DMD: variants seen among roughly 807,000 people sequenced by gnomAD.
The protein encoded by DMD is mutant dystrophin.
DMD carries 63 observed loss-of-function variants against 330.1 expected under a neutral mutation model. The observed-to-expected ratio is 0.19, with a 90% CI of 0.16 to 0.24. The LOEUF (loss-of-function observed/expected upper bound fraction) is 0.24, where lower values mean the gene tolerates loss of function less well. Among genes scored for constraint, DMD ranks in the 10% least tolerant of loss-of-function variants. The pLI is 1.00. For missense variants in DMD, 3,344 were observed against 2,684.1 expected (o/e 1.25, Z -5.43); for synonymous variants, 1,223 against 959.8 (o/e 1.27, Z -5.07).
chrX:31,705,851 T>C (rs1343260747), intron 52 of DMD, among the ~76,000 whole-genome samples: 1 of 112,030 alleles, frequency 8.9e-6, no homozygotes, highest in Non-Finnish European at 1.9e-5. Context: ...CTGTCATTCA[T>C]ATAGTGATGA....
At chrX:32,669,929 A>T (rs1028324377) in intron 9 of DMD, among the ~76,000 whole-genome samples, 23 of 110,714 alleles carry the variant, frequency 2.1e-4, no homozygotes, top group African/African-American at 5.9e-4. Context: ...TCCTCCCCTA[A>T]CCATATGCCC....
chrX:32,642,142 G>A (rs907063950), intron 11 of DMD, among the ~76,000 whole-genome samples: 1 of 111,644 alleles, frequency 9.0e-6, no homozygotes, highest in Non-Finnish European at 1.9e-5. Context: ...TTTTATGCAC[G>A]AACACATACA....
intron 1 of DMD, among the ~76,000 whole-genome samples, chrX:33,087,444 G>A (rs113243635): frequency 8.6e-4 from 96 of 111,758 alleles, no homozygotes; most frequent in African/African-American, 2.9e-3. Context: ...CTGTTTGAGA[G>A]GTTATATTGC....
rs911328118 is a variant in DMD at position 31,776,998 on chromosome X, C to T, written c.7310-2806G>A. ...ACACTGCTGGGAAAGGGAGGGGAAA[C>T]CTTATCAGACTTTCTCACTGCTCTA... On this transcript the variant is annotated intron_variant, in intron 50 of 78. Coordinates refer to ENST00000357033, the MANE Select transcript of DMD (RefSeq NM_004006.3). Among the ~76,000 whole-genome samples, 16 of 111,767 alleles carry T rather than the reference C, an allele frequency of 1.4e-4. No homozygotes were observed. The East Asian group carries it at 2.0e-3, about 14-fold the overall frequency.
rs1388792313 is a variant in DMD, at chrX:32,510,813, G to A, written c.2292+7195C>T. Among the ~76,000 whole-genome samples, 8 of 111,342 alleles carry A rather than the reference G, an allele frequency of 7.2e-5. No individual in the cohort carries two copies. The Admixed American group carries it at 7.6e-4, about 11-fold the overall frequency. On this transcript the variant is annotated intron_variant, in intron 18 of 78. Coordinates refer to ENST00000357033, the MANE Select transcript of DMD (RefSeq NM_004006.3). ...CTAGAAACTGCATATTAGTTAGGGA[G>A]TTGGGCACATCCATCTTTTCTTCAG...
At chrX:31,258,949 G>GA (rs35839843) in intron 63 of DMD, among the ~76,000 whole-genome samples, 45,350 of 100,024 alleles carry the variant, frequency 0.45, 8,295 homozygotes, top group African/African-American at 0.59. Flanking sequence ...CTTTCCAGTG[G>GA]AAAAAAAAAA....
At chrX:32,554,773 G>T (rs996734512) in intron 16 of DMD, among the ~76,000 whole-genome samples, 2 of 84,209 alleles carry the variant, frequency 2.4e-5, no homozygotes, top group African/African-American at 8.7e-5. Context: ...ATATTATGAG[G>T]TCAGCATCAC....
At chrX:32,520,537 G>A (rs764700888) in intron 17 of DMD, among the ~76,000 whole-genome samples, 17 of 111,628 alleles carry the variant, frequency 1.5e-4, no homozygotes, top group Non-Finnish European at 2.8e-4. Context: ...GTGAGAGCTT[G>A]GAATTGGTGA....
intron 9 of DMD, among the ~76,000 whole-genome samples, chrX:32,688,894 A>G (rs2063074915): frequency 9.0e-6 from 1 of 111,540 alleles, no homozygotes. Context: ...TCCTATTCTT[A>G]TTTAGAATTA....
intron 13 of DMD, among the ~76,000 whole-genome samples, chrX:32,585,699 CAAAAAAAAAAAAAAAA>C (rs61394183): frequency 3.1e-4 from 10 of 31,919 alleles, no homozygotes; most frequent in Admixed American, 1.3e-3. Flanking sequence ...GACTCCGTCT[CAAAAAAAAAAAAAAAA>C]AAAAAAAAAA....
chrX:33,143,864 A>G (rs1293091319), intron 1 of DMD, among the ~76,000 whole-genome samples: 4 of 111,310 alleles, frequency 3.6e-5, no homozygotes, highest in African/African-American at 1.3e-4. Context: ...TAATACAGGG[A>G]AAAAAATACA....
At chrX:31,369,777 T>A (rs139508124) in intron 60 of DMD, among the ~76,000 whole-genome samples, 1,799 of 111,499 alleles carry the variant, frequency 0.016, 11 homozygotes, top group Non-Finnish European at 0.026. Flanking sequence ...TTCAAATAAT[T>A]ATGCTAGAGC....
intron 1 of DMD, among the ~76,000 whole-genome samples, chrX:33,172,269 T>C (rs1192026288): frequency 1.8e-5 from 2 of 111,599 alleles, no homozygotes; most frequent in African/African-American, 3.2e-5. Flanking sequence ...TCCATTAAAA[T>C]AATTTATTGA....
intron 55 of DMD, among the ~76,000 whole-genome samples, chrX:31,539,100 G>A (rs2073627499): frequency 1.8e-5 from 2 of 111,737 alleles, no homozygotes; most frequent in Non-Finnish European, 3.8e-5. Flanking sequence ...ATGACAAAGA[G>A]GTTTTACCTA....
chrX:32,691,549 C>T (rs1346769935), intron 9 of DMD, among the ~76,000 whole-genome samples: 1 of 111,332 alleles, frequency 9.0e-6, no homozygotes, highest in Non-Finnish European at 1.9e-5. Context: ...AACTATTGTA[C>T]ACCGTTGGTG....
intron 30 of DMD, among the ~76,000 whole-genome samples, chrX:32,395,101 A>G (rs1390752831): frequency 9.0e-6 from 1 of 110,966 alleles, no homozygotes; most frequent in Non-Finnish European, 1.9e-5. Context: ...TAACATAACT[A>G]GGAAGTAACA....
intron 7 of DMD, among the ~76,000 whole-genome samples, chrX:32,712,378 A>C (rs12008626): frequency 0.077 from 8,546 of 111,307 alleles, 801 homozygotes; most frequent in African/African-American, 0.26. Flanking sequence ...TGTCGTAGAT[A>C]TGTATGAGTA....
In DMD at chrX:32,991,473, A is replaced by T. The variant is rs534055565; in HGVS notation, c.93+28666T>A. 9.8e-5 allele frequency among the ~76,000 whole-genome samples: 11 copies of T among 112,232 alleles called. 1 individual carries two copies. The South Asian group carries it at 4.0e-3, about 41-fold the overall frequency. On this transcript the variant is annotated intron_variant, in intron 2 of 78. Coordinates refer to ENST00000357033, the MANE Select transcript of DMD (RefSeq NM_004006.3). ...TGCACTACATAACACGATGGCCACT[A>T]AAACCATGTGACTACTGAGCACTTC...
chrX:33,237,206 T>G (rs1348323248), intron 1 of DMD, among the ~76,000 whole-genome samples: 1 of 65,321 alleles, frequency 1.5e-5, no homozygotes, highest in Non-Finnish European at 2.7e-5. Flanking sequence ...CCTCCCTTCC[T>G]CCCTTCCTTC....
Sources: allele counts gnomAD v4.1 joint callset (sites outside exome capture counted in the v4.1 genomes callset), GRCh38; gene constraint gnomAD v4.1.1; transcripts MANE v1.5; gene names NCBI Gene and HGNC (gene_info 2026-07-23, HGNC 2026-07-21).